HERC4: variants seen among roughly 807,000 people sequenced by gnomAD.
The protein encoded by HERC4 is probable E3 ubiquitin-protein ligase HERC4.
A neutral mutation model predicts 124.3 loss-of-function variants in HERC4; 28 were observed. That is an observed-to-expected ratio of 0.23 (90% CI 0.17 to 0.31). HERC4 has a LOEUF of 0.31. Ranked by LOEUF, HERC4 falls within the 10% of genes least tolerant of loss-of-function variation. The probability of loss-of-function intolerance (pLI) is 1.00; values close to 1 mark genes in which losing one functional copy is unlikely to be tolerated. For synonymous variants in HERC4, 407 were observed against 421.5 expected, an observed-to-expected ratio of 0.97 and a Z score of 0.42; for missense variants, 713 against 1,229.3, an observed-to-expected ratio of 0.58 and a Z score of 6.28.
chr10:67,982,248 T>G (rs973431348), intron 15 of HERC4, among the ~76,000 whole-genome samples: 4 of 152,166 alleles, frequency 2.6e-5, no homozygotes, highest in Non-Finnish European at 4.4e-5. Flanking sequence ...AAGAGCATGG[T>G]ACTGGCATGA....
intron 16 of HERC4, among the ~76,000 whole-genome samples, chr10:67,957,309 T>C (rs1213327227): frequency 2.0e-5 from 3 of 152,142 alleles, no homozygotes; most frequent in East Asian, 1.9e-4. Context: ...TTAAATGCGA[T>C]AGCCAATTCT....
chr10:67,953,797 C>G (rs1458304648), intron 19 of HERC4, among the ~76,000 whole-genome samples: 1 of 152,166 alleles, frequency 6.6e-6, no homozygotes, highest in Non-Finnish European at 1.5e-5. Context: ...GGAAATTTCT[C>G]TATACAGAAG....
intron 4 of HERC4, among the ~76,000 whole-genome samples, chr10:68,042,297 A>G (rs1328637175): frequency 6.6e-6 from 1 of 152,084 alleles, no homozygotes; most frequent in Non-Finnish European, 1.5e-5. Context: ...GTGAGCCACT[A>G]TGCCCAGCCT....
rs2041232626 is a variant in HERC4, at chr10:68,065,013, T to C, written c.226+7870A>G. Among the ~76,000 whole-genome samples the C allele has an allele frequency of 2.0e-5, 3 of 151,910 alleles. No individual in the cohort carries two copies. The South Asian group carries it at 6.2e-4, about 32-fold the overall frequency. ...CAAAAAATAGAATACTTAAATAAAT[T>C]TTGGTACATCTAAATGATGAAATGT... On this transcript the variant is annotated intron_variant, in intron 3 of 24. Transcript: ENST00000373700.
rs141309259 is a variant in HERC4, at chr10:67,938,694, C to G, written c.2571+894G>C. Among the ~76,000 whole-genome samples the G allele has an allele frequency of 4.4e-4, 67 of 152,200 alleles. 1 individual carries two copies. The East Asian group carries it at 0.013, about 29-fold the overall frequency. ...GGTGCAGTGGCTCATGCCTGTAATGCCAGCACTTCGGGAGGCCGAGGCGGG... is the reference window on the plus strand; with the variant it reads ...GGTGCAGTGGCTCATGCCTGTAATGGCAGCACTTCGGGAGGCCGAGGCGGG... On this transcript the variant is annotated intron_variant, in intron 21 of 24. Coordinates refer to ENST00000373700, the MANE Select transcript of HERC4 (RefSeq NM_015601.4).
intron 8 of HERC4, among the ~76,000 whole-genome samples, chr10:68,019,543 A>AT (rs949796390): frequency 6.6e-6 from 1 of 152,172 alleles, no homozygotes; most frequent in African/African-American, 2.4e-5. Context: ...AAATCGTGGA[A>AT]TAAGAAGCAC....
In HERC4 at chr10:68,059,639, ATATAT is replaced by A. The variant is rs1227536532; in HGVS notation, c.226+13239_226+13243del. Reference sequence around the variant, plus strand: ...TCATAATATTATATATCATAATATTATATATTATATTATATATCATATTATATATT... The same window carrying A: ...TCATAATATTATATATCATAATATTATATATTATATATCATATTATATATT... On this transcript the variant is annotated intron_variant, in intron 3 of 24. Transcript: ENST00000373700. 3.6e-4 allele frequency among the ~76,000 whole-genome samples: 30 copies of A among 82,894 alleles called. 4 individuals carry two copies. Among genetic ancestry groups the A allele is most frequent in the Non-Finnish European group, 3.1e-4 (16 of 52,004 alleles). The allele number at this position is 82,894 out of a possible 152,430, so 54.4% of individuals were successfully genotyped here.
intron 3 of HERC4, chr10:68,069,267 A>G: frequency 1.0e-6 from 1 of 957,944 alleles, no homozygotes; most frequent in African/African-American, 1.8e-5. Context: ...AAGATTAAAT[A>G]TATTTGTTAG....
intron 16 of HERC4, among the ~76,000 whole-genome samples, chr10:67,959,411 T>A (rs1310937772): frequency 6.6e-6 from 1 of 152,040 alleles, no homozygotes; most frequent in African/African-American, 2.4e-5. Flanking sequence ...AACACCCCCA[T>A]TTGCAGAATT....
At chr10:67,936,889 T>C (rs1308913403) in intron 21 of HERC4, among the ~76,000 whole-genome samples, 2 of 152,158 alleles carry the variant, frequency 1.3e-5, no homozygotes, top group Non-Finnish European at 2.9e-5. Context: ...AGTATATTCC[T>C]GCTGTGATGT....
chr10:67,981,867 G>T (rs892996412), intron 15 of HERC4, among the ~76,000 whole-genome samples: 2 of 152,118 alleles, frequency 1.3e-5, no homozygotes, highest in Non-Finnish European at 2.9e-5. Flanking sequence ...CTTGAATCGG[G>T]GGGGTGGAGG....
intron 7 of HERC4, among the ~76,000 whole-genome samples, chr10:68,029,585 G>C (rs1479465606): frequency 6.6e-6 from 1 of 151,570 alleles, no homozygotes; most frequent in Non-Finnish European, 1.5e-5. Flanking sequence ...GCAAAATGCT[G>C]TATTTTAAAA....
chr10:68,002,973 A>G (rs1386979452), intron 9 of HERC4, among the ~76,000 whole-genome samples: 3 of 152,092 alleles, frequency 2.0e-5, no homozygotes. Context: ...ATACAGGCAT[A>G]CAGTGTATAA....
At chr10:68,001,810 A>T (rs2037249567) in intron 9 of HERC4, among the ~76,000 whole-genome samples, 3 of 152,110 alleles carry the variant, frequency 2.0e-5, no homozygotes, top group Admixed American at 1.3e-4. Context: ...GACTCATATG[A>T]TATTTGTCCT....
At chr10:67,986,473 C>A (rs2036266459) in intron 15 of HERC4, among the ~76,000 whole-genome samples, 1 of 152,160 alleles carries the variant, frequency 6.6e-6, no homozygotes, top group Non-Finnish European at 1.5e-5. Flanking sequence ...TTGCCTTAGC[C>A]TCCTGGGTAG....
intron 5 of HERC4, among the ~76,000 whole-genome samples, chr10:68,036,674 C>A (rs2039489485): frequency 6.6e-6 from 1 of 152,186 alleles, no homozygotes; most frequent in African/African-American, 2.4e-5. Context: ...AAATACACCA[C>A]TTTCTTAACT....
At chr10:67,992,419 T>G in intron 10 of HERC4, 96 bp from the exon 11 acceptor site, 1 of 1,478,900 alleles carries the variant, frequency 6.8e-7, no homozygotes, top group Non-Finnish European at 9.2e-7. Context: ...TTAAACAGAA[T>G]TAAATCTCTC....
intron 8 of HERC4, among the ~76,000 whole-genome samples, chr10:68,019,538 G>A (rs915652257): frequency 7.2e-5 from 11 of 152,030 alleles, no homozygotes; most frequent in African/African-American, 2.2e-4. Flanking sequence ...TTGGAAAATC[G>A]TGGAATAAGA....
intron 8 of HERC4, among the ~76,000 whole-genome samples, chr10:68,024,452 T>G (rs2038799040): frequency 1.3e-5 from 2 of 152,116 alleles, no homozygotes; most frequent in South Asian, 4.1e-4. Context: ...ATAATAAAAG[T>G]GCAAAGCAAC....
Sources: gnomAD v4.1 joint callset for allele counts (sites outside exome capture counted in the v4.1 genomes callset) on GRCh38, gnomAD v4.1.1 for gene constraint, MANE v1.5 for transcripts, NCBI Gene and HGNC (gene_info 2026-07-23, HGNC 2026-07-21) for gene names.